The following HPSE2 variants were observed in gnomAD, a reference collection of about 807,000 sequenced individuals.
The protein encoded by HPSE2 is inactive heparanase-2.
Under a neutral mutation model 60.5 loss-of-function variants are expected in HPSE2, and 38 were observed. That is an observed-to-expected ratio of 0.63 (90% CI 0.48 to 0.82). The LOEUF (loss-of-function observed/expected upper bound fraction) is 0.82, where lower values mean the gene tolerates loss of function less well. Among genes scored for constraint, HPSE2 ranks in the 40% least tolerant of loss-of-function variants. The pLI is 0.00. For synonymous variants in HPSE2, 295 were observed against 293.2 expected (o/e 1.01, Z -0.06); for missense variants, 713 against 740.4 (o/e 0.96, Z 0.43).
At chr10:99,054,340 G>T (rs764844146) in intron 3 of HPSE2, among the ~76,000 whole-genome samples, 2 of 152,062 alleles carry the variant, frequency 1.3e-5, no homozygotes, top group Non-Finnish European at 2.9e-5. Context: ...AGAACAGAGC[G>T]ATCTTGTTAA....
At chr10:99,295,429 G>T in the HPSE2 span, among the ~76,000 whole-genome samples, 3 of 151,960 alleles carry the variant, frequency 2.0e-5, no homozygotes, top group South Asian at 6.2e-4. Flanking sequence ...TTCAAACTTT[G>T]GAAATGCTTA....
At chr10:99,175,573 T>C (rs537827494) in intron 2 of HPSE2, among the ~76,000 whole-genome samples, 37 of 152,292 alleles carry the variant, frequency 2.4e-4, no homozygotes, top group African/African-American at 8.4e-4. Context: ...CTCTCTAGAT[T>C]CCTCTTCTCT....
At position 99,062,562 on chromosome 10, in the gene HPSE2, A is replaced by G. The variant is rs75110975; in HGVS notation, c.610+81676T>C. Among the ~76,000 whole-genome samples the G allele has an allele frequency of 4.5e-3, 687 of 152,210 alleles. 3 individuals are homozygous for G. Among genetic ancestry groups the G allele is most frequent in the African/African-American group, 0.016 (657 of 41,524 alleles). ...CCATCTCTCTGTTATCTACTGATAC[A>G]AGGCCTAAGAGACCAGTATCAGCAC... is the stretch of plus-strand genomic sequence containing the variant. On this transcript the variant is annotated intron_variant, in intron 3 of 11. Coordinates refer to ENST00000370552, the MANE Select transcript of HPSE2 (RefSeq NM_021828.5).
chr10:98,900,799 C>T (rs1457258282), intron 3 of HPSE2, among the ~76,000 whole-genome samples: 1 of 152,090 alleles, frequency 6.6e-6, no homozygotes, highest in Admixed American at 6.6e-5. Context: ...TTTGCAAACA[C>T]AATTTGGCAA....
chr10:99,027,305 A>T (rs562850138), intron 3 of HPSE2, among the ~76,000 whole-genome samples: 1 of 152,150 alleles, frequency 6.6e-6, no homozygotes, highest in African/African-American at 2.4e-5. Context: ...GATACTGCAG[A>T]AATCCAAAGG....
intron 3 of HPSE2, among the ~76,000 whole-genome samples, chr10:98,839,605 C>A (rs1176487055): frequency 6.6e-6 from 1 of 152,150 alleles, no homozygotes. Flanking sequence ...AGTGACCAAG[C>A]CTGATTCATT....
At chr10:99,116,848 A>C (rs1273230618) in intron 3 of HPSE2, among the ~76,000 whole-genome samples, 2 of 152,178 alleles carry the variant, frequency 1.3e-5, no homozygotes, top group Non-Finnish European at 2.9e-5. Context: ...CTTGCCACCT[A>C]GAATGCAGGC....
At chr10:98,588,267 G>A (rs1248681783) in intron 9 of HPSE2, among the ~76,000 whole-genome samples, 1 of 151,816 alleles carries the variant, frequency 6.6e-6, no homozygotes, top group Non-Finnish European at 1.5e-5. Flanking sequence ...AGTTTGGAGG[G>A]GATGAGACCA....
intron 3 of HPSE2, among the ~76,000 whole-genome samples, chr10:99,061,962 T>C (rs1031980544): frequency 6.6e-6 from 1 of 152,136 alleles, no homozygotes; most frequent in South Asian, 2.1e-4. Flanking sequence ...AGTAAGGTCA[T>C]GGTGGTGGTG....
At chr10:99,159,907 G>A (rs2133765847) in intron 2 of HPSE2, among the ~76,000 whole-genome samples, 1 of 152,246 alleles carries the variant, frequency 6.6e-6, no homozygotes, top group South Asian at 2.1e-4. Flanking sequence ...TTGTCAGGCT[G>A]AGGTGGGCGG....
chr10:98,638,730 AGGCCCTAAC>A (rs1368022538), intron 7 of HPSE2, among the ~76,000 whole-genome samples: 1 of 152,180 alleles, frequency 6.6e-6, no homozygotes, highest in African/African-American at 2.4e-5. Flanking sequence ...CTCCTCTTGG[AGGCCCTAAC>A]GACTGGGTCC....
At chr10:98,588,960 A>C (rs781194126) in intron 9 of HPSE2, among the ~76,000 whole-genome samples, 2 of 152,148 alleles carry the variant, frequency 1.3e-5, no homozygotes, top group Non-Finnish European at 2.9e-5. Context: ...TGGAAAGTTG[A>C]TTTTTGTTGT....
the HPSE2 span, among the ~76,000 whole-genome samples, chr10:99,279,053 T>G: frequency 6.6e-6 from 1 of 152,132 alleles, no homozygotes; most frequent in Non-Finnish European, 1.5e-5. Flanking sequence ...TATGTTTCTC[T>G]CCTAGTTGTT....
At chr10:98,485,036 C>T (rs1564911403) in intron 10 of HPSE2, among the ~76,000 whole-genome samples, 1 of 152,186 alleles carries the variant, frequency 6.6e-6, no homozygotes, top group Non-Finnish European at 1.5e-5. Flanking sequence ...AATAACACCC[C>T]TCCATCCTGG....
In HPSE2 at chr10:99,184,522, C is replaced by CA. The variant is rs200059066; in HGVS notation, c.449-40124dup. 4.9e-4 allele frequency among the ~76,000 whole-genome samples: 30 copies of CA among 60,764 alleles called. 3 individuals carry two copies. Among genetic ancestry groups the CA allele is most frequent in the African/African-American group, 8.5e-4 (7 of 8,262 alleles). 39.9% of individuals were successfully genotyped at this position (60,764 alleles called of 152,430 possible). A position where few individuals can be genotyped will look rare whatever the true frequency, so the allele number is the denominator to read the frequency against. ...CCTGGGCAACAGAGCGAGACTGTCT[C>CA]AAAAAAAAAAAAAAAAAAAAAAAAA... On this transcript the variant is annotated intron_variant, in intron 2 of 11. Transcript: ENST00000370552.
intron 3 of HPSE2, among the ~76,000 whole-genome samples, chr10:98,958,959 G>C (rs80063867): frequency 0.015 from 2,335 of 152,134 alleles, 56 homozygotes; most frequent in African/African-American, 0.054. Context: ...AGTTCCATAA[G>C]AGCCTCAATT....
intron 1 of HPSE2, among the ~76,000 whole-genome samples, chr10:99,233,593 T>C (rs1849741374): frequency 6.6e-6 from 1 of 152,200 alleles, no homozygotes; most frequent in Non-Finnish European, 1.5e-5. Flanking sequence ...TTTTAACGCT[T>C]TACTGTTTCA....
At chr10:98,664,602 C>G (rs1178739020) in intron 6 of HPSE2, among the ~76,000 whole-genome samples, 1 of 152,304 alleles carries the variant, frequency 6.6e-6, no homozygotes, top group East Asian at 1.9e-4. Context: ...TACAAAAGAG[C>G]CCGGTGGCTA....
At chr10:99,163,429 C>T (rs1400577773) in intron 2 of HPSE2, among the ~76,000 whole-genome samples, 1 of 152,038 alleles carries the variant, frequency 6.6e-6, no homozygotes, top group Non-Finnish European at 1.5e-5. Context: ...TTCCTCTTTC[C>T]ACCTCCTCAG....
Sources: allele counts gnomAD v4.1 joint callset (sites outside exome capture counted in the v4.1 genomes callset), GRCh38; gene constraint gnomAD v4.1.1; transcripts MANE v1.5; gene names NCBI Gene and HGNC (gene_info 2026-07-23, HGNC 2026-07-21).